The following TEX9 variants were observed in gnomAD, a reference collection of about 807,000 sequenced individuals.
The protein encoded by TEX9 is testis expressed 9.
Under a neutral mutation model 59.6 loss-of-function variants are expected in TEX9, and 74 were observed. The observed-to-expected ratio is 1.24, with a 90% CI of 1.03 to 1.51. TEX9 has a LOEUF of 1.51. TEX9 is among the 40% of genes most tolerant of loss of function. The probability of loss-of-function intolerance (pLI) is 0.00; values close to 1 mark genes in which losing one functional copy is unlikely to be tolerated. For synonymous variants in TEX9, 186 were observed against 152.2 expected (o/e 1.22, Z -1.64); for missense variants, 522 against 447.8 (o/e 1.17, Z -1.49).
chr15:56,327,000 G>A (rs578242472), intron 1 of TEX9, among the ~76,000 whole-genome samples: 10 of 152,200 alleles, frequency 6.6e-5, no homozygotes, highest in South Asian at 2.1e-4. Context: ...GAACTTACCC[G>A]TGTAACCAAA....
intron 1 of TEX9, among the ~76,000 whole-genome samples, chr15:56,282,777 G>C (rs1189165977): frequency 6.6e-6 from 1 of 152,112 alleles, no homozygotes; most frequent in Non-Finnish European, 1.5e-5. Context: ...AGGGGCTAGA[G>C]GAAGCATTTC....
intron 1 of TEX9, among the ~76,000 whole-genome samples, chr15:56,264,397 C>G (rs1448018833): frequency 6.6e-6 from 1 of 152,180 alleles, no homozygotes; most frequent in Non-Finnish European, 1.5e-5. Context: ...AGTATCTGCT[C>G]AAATCTTTCA....
At chr15:56,386,867 A>G (rs2047984067) in intron 4 of TEX9, among the ~76,000 whole-genome samples, 1 of 151,840 alleles carries the variant, frequency 6.6e-6, no homozygotes, top group African/African-American at 2.4e-5. Context: ...AAAACATGGC[A>G]TTTGTTGATC....
the TEX9 span, among the ~76,000 whole-genome samples, chr15:56,455,265 A>AAAAAAAC: frequency 4.9e-5 from 7 of 143,586 alleles, 1 homozygote; most frequent in South Asian, 2.2e-4. Flanking sequence ...AAAAAAAAAA[A>AAAAAAAC]AAAAAACCAT....
the TEX9 span, chr15:56,456,629 G>T: frequency 9.5e-7 from 1 of 1,047,524 alleles, no homozygotes. Context: ...GCCAACAATT[G>T]ATGATGTTTT....
At chr15:56,372,699 G>T (rs1168257012) in intron 2 of TEX9, among the ~76,000 whole-genome samples, 1 of 152,146 alleles carries the variant, frequency 6.6e-6, no homozygotes, top group Admixed American at 6.6e-5. Flanking sequence ...ATGAAAATTG[G>T]AAGGGAATAT....
chr15:56,443,808 T>C, intron 12 of TEX9: 1 of 1,611,336 alleles, frequency 6.2e-7, no homozygotes, highest in South Asian at 1.1e-5. Flanking sequence ...AACTCTTCTA[T>C]ATACCTTCGC....
the TEX9 span, among the ~76,000 whole-genome samples, chr15:56,457,297 T>A: frequency 1.3e-5 from 2 of 152,186 alleles, no homozygotes; most frequent in African/African-American, 4.8e-5. Context: ...ATCTAGAGGC[T>A]TGATTAAATT....
At chr15:56,334,788 G>T (rs1203837997) in intron 1 of TEX9, among the ~76,000 whole-genome samples, 2 of 152,020 alleles carry the variant, frequency 1.3e-5, no homozygotes, top group Admixed American at 6.6e-5. Context: ...TATATAAGGA[G>T]CTCAAACAAC....
At chr15:56,316,168 A>G (rs2718919) in intron 1 of TEX9, among the ~76,000 whole-genome samples, 138,259 of 143,156 alleles carry the variant, frequency 0.97, 66,981 homozygotes, top group East Asian at 1. Context: ...GTCATTCTCC[A>G]TCCAGCTTTG....
At chr15:56,408,034 A>G (rs1366346473) in intron 9 of TEX9, among the ~76,000 whole-genome samples, 1 of 152,220 alleles carries the variant, frequency 6.6e-6, no homozygotes, top group Non-Finnish European at 1.5e-5. Context: ...TCATTAGTGT[A>G]CAGACATTTC....
rs146136544 is a variant in TEX9, at chr15:56,271,450, G to A, written c.-107+27172G>A. Among the ~76,000 whole-genome samples, 1,336 of 152,044 alleles carry A rather than the reference G, an allele frequency of 8.8e-3. 6 individuals are homozygous for A. The highest frequency in any genetic ancestry group is 0.014 in the Middle Eastern group (4 of 294). On this transcript the variant is annotated intron_variant, in intron 1 of 5. Transcript: ENST00000560827. ...ATCGGCTACTGAAGCTTGTGCATGC[G>A]TCACGTAGTTCTCGTGCCATGCTTT... is the stretch of plus-strand genomic sequence containing the variant.
intron 10 of TEX9, among the ~76,000 whole-genome samples, chr15:56,420,361 G>A (rs961594412): frequency 4.6e-5 from 7 of 150,822 alleles, no homozygotes; most frequent in Non-Finnish European, 1.0e-4. Context: ...AGGGTGGAGT[G>A]CAGTGGCGCA....
intron 1 of TEX9, among the ~76,000 whole-genome samples, chr15:56,312,968 A>T (rs1385188542): frequency 1.5e-5 from 2 of 132,898 alleles, no homozygotes; most frequent in Non-Finnish European, 3.2e-5. Context: ...GTGTATAAGT[A>T]TGCTTGTGAT....
intron 1 of TEX9, among the ~76,000 whole-genome samples, chr15:56,296,018 C>T (rs1404481067): frequency 6.6e-6 from 1 of 152,162 alleles, no homozygotes; most frequent in Non-Finnish European, 1.5e-5. Context: ...AATTTCAATG[C>T]GGTCTGAACT....
At chr15:56,365,431 C>T (rs766094509) in exon 1 of TEX9, 5 of 1,608,784 alleles carry the variant, frequency 3.1e-6, no homozygotes, top group East Asian at 2.2e-5. Context: ...GCCTCGGTAA[C>T]CGCGTCGCAG....
chr15:56,353,255 C>T (rs1181665569), intron 1 of TEX9, among the ~76,000 whole-genome samples: 1 of 152,136 alleles, frequency 6.6e-6, no homozygotes, highest in Non-Finnish European at 1.5e-5. Context: ...TGATTACTTC[C>T]TCTCAAGACA....
intron 1 of TEX9, among the ~76,000 whole-genome samples, chr15:56,256,921 G>T (rs74723890): frequency 1.2e-3 from 181 of 150,412 alleles, no homozygotes; most frequent in African/African-American, 2.4e-3. Context: ...ATTTTTTTTT[G>T]ATCCTCTCCC....
At chr15:56,423,196 C>G (rs2050066574) in intron 10 of TEX9, among the ~76,000 whole-genome samples, 2 of 152,130 alleles carry the variant, frequency 1.3e-5, no homozygotes, top group Admixed American at 6.6e-5. Context: ...ATCTTCTTTC[C>G]TAATGTAAGC....
Sources: allele counts gnomAD v4.1 joint callset (sites outside exome capture counted in the v4.1 genomes callset), GRCh38; gene constraint gnomAD v4.1.1; transcripts MANE v1.5; gene names NCBI Gene and HGNC (gene_info 2026-07-23, HGNC 2026-07-21).